Variants in PI4KA observed in about 807,000 individuals in gnomAD.
PI4KA encodes the protein PI4-kinase alpha.
Under a neutral mutation model 271.4 loss-of-function variants are expected in PI4KA, and 122 were observed. The observed-to-expected ratio is 0.45, with a 90% CI of 0.39 to 0.52. The LOEUF is 0.52. Ranked by LOEUF, PI4KA falls within the 20% of genes least tolerant of loss-of-function variation. The pLI, the probability that PI4KA is intolerant of heterozygous loss-of-function variation, is 0.00. For synonymous variants in PI4KA, 1,041 were observed against 1,078.8 expected (o/e 0.96, Z 0.69); for missense variants, 1,969 against 2,769.1 (o/e 0.71, Z 6.48).
chr22:20,805,307 T>G, intron 10 of PI4KA, 142 bp from the exon 11 acceptor site: 2 of 598,750 alleles, frequency 3.3e-6, no homozygotes, highest in South Asian at 4.4e-5. Flanking sequence ...GGTCCTAGAA[T>G]GCCCACTGGA....
At chr22:20,791,671 T>C (rs192213051) in intron 19 of PI4KA, among the ~76,000 whole-genome samples, 9 of 152,022 alleles carry the variant, frequency 5.9e-5, no homozygotes, top group East Asian at 1.9e-4. Flanking sequence ...GGTGGGAAGA[T>C]TGCTTGAGCT....
rs373472625 is a variant in PI4KA, at chr22:20,803,946, G to A, written c.1461+354C>T. ...GGATTGTGACAAGGTTAAGAGTCTC[G>A]GCAGAGCAGAGCTAGCACTGTGGGT... On this transcript the variant is annotated intron_variant, in intron 12 of 54. Transcript: ENST00000255882. Among the ~76,000 whole-genome samples the A allele has an allele frequency of 1.1e-4, 17 of 152,332 alleles. No individual in the cohort carries two copies. In the South Asian group the frequency reaches 2.9e-3, roughly 26 times the overall value.
chr22:20,813,105 C>T (rs182075245), intron 8 of PI4KA, among the ~76,000 whole-genome samples: 75 of 152,284 alleles, frequency 4.9e-4, no homozygotes, highest in African/African-American at 1.7e-3. Flanking sequence ...TGTTTGACAC[C>T]GATTTCCTGA....
intron 3 of PI4KA, among the ~76,000 whole-genome samples, chr22:20,825,936 A>G (rs753511395): frequency 1.3e-5 from 2 of 152,058 alleles, no homozygotes; most frequent in Non-Finnish European, 2.9e-5. Flanking sequence ...CTGTGTTCAT[A>G]TGTACTCGAA....
chr22:20,784,248 A>G (rs753051534), intron 19 of PI4KA: 1 of 1,614,096 alleles, frequency 6.2e-7, no homozygotes, highest in East Asian at 2.2e-5. Flanking sequence ...ACAAACAGGT[A>G]TTTCACACTG....
intron 28 of PI4KA, among the ~76,000 whole-genome samples, chr22:20,749,519 C>T (rs1930449205): frequency 6.6e-6 from 1 of 152,280 alleles, no homozygotes. Context: ...CTCTGCTCCA[C>T]CAGCCTTGGT....
intron 19 of PI4KA, among the ~76,000 whole-genome samples, chr22:20,775,396 T>C (rs1933186659): frequency 6.6e-6 from 1 of 152,234 alleles, no homozygotes; most frequent in African/African-American, 2.4e-5. Context: ...TCAGAGATAT[T>C]TTCTCCTTCC....
chr22:20,729,481 G>A lies in PI4KA; in HGVS notation c.4514C>T (p.Thr1505Ile). The A allele has an allele frequency of 1.2e-6, 2 of 1,604,816 alleles. No homozygotes were observed. The highest frequency in any genetic ancestry group is 1.7e-6 in the Non-Finnish European group (2 of 1,175,198). ...LLATEIERLI[T>I]WYNPLSAPEL... is the part of the protein sequence containing the mutation. ...CGGGGCTGACAGCGGGTTGTACCAT[G>A]TGATGAGACGCTCGATCTCAGTGGC... The change falls in exon 39 of 55, where the codon ACA (threonine) becomes ATA (isoleucine). Residue 1505 changes from threonine to isoleucine, a missense_variant. Physicochemically the swap from Thr to Ile is moderately conservative, Grantham distance 89. Coordinates refer to ENST00000255882, the MANE Select transcript of PI4KA (RefSeq NM_058004.4).
chr22:20,742,834 C>G (rs1231049083), intron 30 of PI4KA, 70 bp from the exon 31 acceptor site: 1 of 1,476,942 alleles, frequency 6.8e-7, no homozygotes, highest in African/African-American at 1.4e-5. Context: ...TGGAAGCCAC[C>G]AGACCACACT....
intron 22 of PI4KA, among the ~76,000 whole-genome samples, chr22:20,763,815 G>A (rs550434229): frequency 1.1e-4 from 16 of 152,280 alleles, no homozygotes; most frequent in African/African-American, 3.6e-4. Context: ...GGGAGAATGC[G>A]TCACTGATTT....
intron 39 of PI4KA, among the ~76,000 whole-genome samples, chr22:20,728,520 C>G (rs944023390): frequency 6.6e-5 from 10 of 152,204 alleles, no homozygotes; most frequent in African/African-American, 2.2e-4. Context: ...AGCTGCTCAT[C>G]CAGTGAGTCA....
chr22:20,842,823 A>AAC lies in PI4KA; in HGVS notation c.157-4093_157-4092insGT, dbSNP rs1555909465. ...GAGCAAGACTCTGTCTCAAAAAAAAAAAAAAGGCCGGGCGCAGTGGCTCAC... is the reference window on the plus strand; with the variant it reads ...GAGCAAGACTCTGTCTCAAAAAAAAAACAAAAAGGCCGGGCGCAGTGGCTCAC... On this transcript the variant is annotated intron_variant, in intron 1 of 54. Coordinates refer to ENST00000255882, the MANE Select transcript of PI4KA (RefSeq NM_058004.4). 4.0e-3 allele frequency among the ~76,000 whole-genome samples: 583 copies of AAC among 145,994 alleles called. 5 individuals are homozygous for AAC. Among genetic ancestry groups the AAC allele is most frequent in the African/African-American group, 0.014 (558 of 39,058 alleles).
chr22:20,854,358 C>T (rs1035828067), intron 1 of PI4KA, among the ~76,000 whole-genome samples: 2 of 151,792 alleles, frequency 1.3e-5, no homozygotes, highest in African/African-American at 4.8e-5. Flanking sequence ...TGACCTCAAG[C>T]GATCAGCCTG....
At chr22:20,852,793 G>C (rs971891495) in intron 1 of PI4KA, among the ~76,000 whole-genome samples, 5 of 152,120 alleles carry the variant, frequency 3.3e-5, no homozygotes, top group African/African-American at 1.2e-4. Flanking sequence ...CTAAAGTACA[G>C]ACTGAATAAC....
intron 32 of PI4KA, among the ~76,000 whole-genome samples, 178 bp downstream of exon 32, chr22:20,742,050 T>C (rs1378524366): frequency 6.6e-6 from 1 of 152,242 alleles, no homozygotes; most frequent in Non-Finnish European, 1.5e-5. Flanking sequence ...GCTGTTAACA[T>C]ATATTCTATT....
In PI4KA at chr22:20,711,487, A is replaced by G. The variant is rs1375004569; in HGVS notation, c.5803-26T>C. On this transcript the variant is annotated intron_variant, in intron 50 of 54. Coordinates refer to ENST00000255882, the MANE Select transcript of PI4KA (RefSeq NM_058004.4). ...CTGTGCAGAGAGCGCCCTGGGCTCA[A>G]AAAGGCCCTGGGGCCTGTGGGCATT... is the stretch of plus-strand genomic sequence containing the variant. 1.2e-5 allele frequency: 16 copies of G among 1,291,320 alleles called. No homozygotes were observed. In the South Asian group the frequency reaches 2.0e-4, roughly 16 times the overall value. The allele number at this position is 1,291,320 out of a possible 1,614,324, so 80.0% of individuals were successfully genotyped here.
At chr22:20,724,300 T>TA (rs762038202) in intron 42 of PI4KA, among the ~76,000 whole-genome samples, 47 of 147,464 alleles carry the variant, frequency 3.2e-4, no homozygotes, top group Non-Finnish European at 2.7e-4. Flanking sequence ...AGCGAAACTC[T>TA]GTCTAAAAAA....
At chr22:20,827,815 G>C (rs146290873) in intron 3 of PI4KA, among the ~76,000 whole-genome samples, 98 of 151,868 alleles carry the variant, frequency 6.5e-4, no homozygotes, top group Non-Finnish European at 1.1e-3. Context: ...TTTTTTTTGA[G>C]ATGGAGTCTC....
At position 20,755,896 on chromosome 22, in the gene PI4KA, C is replaced by T. The variant is rs61161794; in HGVS notation, c.2792-2716G>A. 1.9e-4 allele frequency among the ~76,000 whole-genome samples: 29 copies of T among 152,116 alleles called. No individual in the cohort carries two copies. The East Asian group carries it at 5.4e-3, about 28-fold the overall frequency. On this transcript the variant is annotated intron_variant, in intron 23 of 54. Transcript: ENST00000255882. ...AAGAAACTGTAATAAAATGCCAATT[C>T]ACACTCCATAATGCTGTTTCTCTAT...
Sources: gnomAD v4.1 joint callset for allele counts (sites outside exome capture counted in the v4.1 genomes callset) on GRCh38, gnomAD v4.1.1 for gene constraint, MANE v1.5 for transcripts, NCBI Gene and HGNC (gene_info 2026-07-23, HGNC 2026-07-21) for gene names.